Variants in MYLK4 observed in about 807,000 individuals in gnomAD.
MYLK4 encodes the protein myosin light chain kinase family member 4.
MYLK4 carries 46 observed loss-of-function variants against 48.1 expected under a neutral mutation model. The ratio of observed to expected loss-of-function variants is 0.96; its 90% confidence interval spans 0.75 to 1.22. The LOEUF is 1.22. MYLK4 is among the 50% of genes most tolerant of loss of function. The pLI is 0.00. For missense variants in MYLK4, 451 were observed against 486.1 expected (o/e 0.93, Z 0.68); for synonymous variants, 170 against 180.8 (o/e 0.94, Z 0.48).
chr6:2,700,180 C>T (rs1431229181), intron 2 of MYLK4, among the ~76,000 whole-genome samples: 1 of 152,112 alleles, frequency 6.6e-6, no homozygotes, highest in African/African-American at 2.4e-5. Context: ...TTCTTTCCCT[C>T]TCAAACTCGC....
rs143708079 is a variant in MYLK4, at chr6:2,688,895, C to T, written c.297G>A (p.Ala99=). The change falls in exon 4 of 13, where the codon GCG becomes GCA. Residue 99 remains alanine (A), a synonymous_variant. Transcript: ENST00000274643. ...DHRIVTAKQG[A]VNSFYTVSKT... ...TGCTCACAGTATAGAAGCTGTTGACCGCTCCTTGCTTGGCTGTCACAATAC... is the reference window on the plus strand; with the variant it reads ...TGCTCACAGTATAGAAGCTGTTGACTGCTCCTTGCTTGGCTGTCACAATAC... The T allele has an allele frequency of 4.6e-4, 736 of 1,614,146 alleles. 8 individuals carry two copies. In the African/African-American group the frequency reaches 8.6e-3, roughly 19 times the overall value.
Position 2,664,357 on chromosome 6 carries a change from A to G in MYLK4, c.*3568T>C, listed in dbSNP as rs1449112832. ...TGACAGGACGGCCAGGGGACAGGAA[A>G]GAACCGAGTCCGAGGACCACAGCCC... is the stretch of plus-strand genomic sequence containing the variant. On this transcript the variant is annotated 3_prime_UTR_variant, in exon 13 of 13. Coordinates refer to ENST00000274643, the MANE Select transcript of MYLK4 (RefSeq NM_001012418.5). The G allele has an allele frequency of 1.3e-5, 2 of 152,232 alleles. No individual in the cohort carries two copies. Among genetic ancestry groups the G allele is most frequent in the Non-Finnish European group, 2.9e-5 (2 of 68,038 alleles). The allele number at this position is 152,232 out of a possible 1,614,324, so 9.4% of individuals were successfully genotyped here. A position where few individuals can be genotyped will look rare whatever the true frequency, so the allele number is the denominator to read the frequency against.
At chr6:2,690,672 A>C (rs549095748) in intron 3 of MYLK4, among the ~76,000 whole-genome samples, 121 of 152,152 alleles carry the variant, frequency 8.0e-4, no homozygotes, top group African/African-American at 2.8e-3. Flanking sequence ...CCACTGGCCA[A>C]ATCGTGACCC....
intron 2 of MYLK4, among the ~76,000 whole-genome samples, chr6:2,748,039 T>C (rs1417200899): frequency 2.0e-5 from 3 of 152,238 alleles, no homozygotes; most frequent in African/African-American, 7.2e-5. Context: ...ACCTTTTATA[T>C]ACAATCTCTC....
chr6:2,725,447 C>G (rs7750986), intron 2 of MYLK4, among the ~76,000 whole-genome samples: 43,757 of 151,224 alleles, frequency 0.29, 6,503 homozygotes, highest in Admixed American at 0.32. Flanking sequence ...TGCACTCCAG[C>G]CTGGGTGACA....
At chr6:2,697,250 G>A (rs775127561) in intron 2 of MYLK4, among the ~76,000 whole-genome samples, 1 of 152,190 alleles carries the variant, frequency 6.6e-6, no homozygotes, top group Non-Finnish European at 1.5e-5. Context: ...GTGTTTTGGA[G>A]CAGGATCATT....
chr6:2,721,118 A>G (rs4959713), intron 2 of MYLK4, among the ~76,000 whole-genome samples: 129,685 of 152,086 alleles, frequency 0.85, 55,386 homozygotes, highest in Admixed American at 0.89. Context: ...CCAAGATCAC[A>G]CCACCGCACT....
chr6:2,701,641 G>A (rs534076096), intron 2 of MYLK4, among the ~76,000 whole-genome samples: 18 of 152,306 alleles, frequency 1.2e-4, no homozygotes, highest in Admixed American at 3.3e-4. Context: ...TACAAACTGC[G>A]TAGGTAAAAA....
At chr6:2,670,132 G>A (rs902321658) in intron 12 of MYLK4, among the ~76,000 whole-genome samples, 2 of 152,196 alleles carry the variant, frequency 1.3e-5, no homozygotes, top group African/African-American at 4.8e-5. Context: ...TTGGGAGGCT[G>A]AGGCGGGCAG....
At chr6:2,767,956 T>C in the MYLK4 span, among the ~76,000 whole-genome samples, 2 of 152,234 alleles carry the variant, frequency 1.3e-5, no homozygotes, top group African/African-American at 4.8e-5. Context: ...CACCTTTCCA[T>C]TTAGGTGCAG....
chr6:2,676,654 C>T (rs1050782397), intron 10 of MYLK4, among the ~76,000 whole-genome samples: 1 of 152,214 alleles, frequency 6.6e-6, no homozygotes, highest in African/African-American at 2.4e-5. Flanking sequence ...CAGTTGCCAT[C>T]GGCCCAAATG....
intron 2 of MYLK4, among the ~76,000 whole-genome samples, chr6:2,711,178 C>T (rs1762661311): frequency 6.6e-6 from 1 of 152,208 alleles, no homozygotes. Flanking sequence ...CATTAATTAA[C>T]ACGTATCAGT....
intron 10 of MYLK4, among the ~76,000 whole-genome samples, chr6:2,677,496 A>G (rs557911988): frequency 1.2e-4 from 18 of 152,310 alleles, no homozygotes; most frequent in Admixed American, 8.5e-4. Context: ...AAGCCATCTG[A>G]AACAGCGTGT....
intron 6 of MYLK4, among the ~76,000 whole-genome samples, chr6:2,683,391 TTGTGTGTGTGTGTG>T (rs67359849): frequency 0.033 from 4,164 of 126,656 alleles, 246 homozygotes; most frequent in African/African-American, 0.1. Context: ...CCCCACCTTT[TTGTGTGTGTGTGTG>T]TGTGTGTGTG....
At chr6:2,746,096 C>CA (rs368582600) in intron 2 of MYLK4, among the ~76,000 whole-genome samples, 3,330 of 113,396 alleles carry the variant, frequency 0.029, 131 homozygotes, top group African/African-American at 0.093. Context: ...ACTAAAAATA[C>CA]AAAAAAAAAT....
chr6:2,666,344 A>G lies in MYLK4; in HGVS notation c.*1581T>C, dbSNP rs1211186606. The G allele has an allele frequency of 6.6e-6, 1 of 152,214 alleles. No individual in the cohort carries two copies. Among genetic ancestry groups the G allele is most frequent in the Non-Finnish European group, 1.5e-5 (1 of 68,038 alleles). 9.4% of individuals were successfully genotyped at this position (152,214 alleles called of 1,614,324 possible). ...ACAGTAATTGAGACCATTCTGGCCA[A>G]CATGGAGAAACCCCATCTCTACTAA... On this transcript the variant is annotated 3_prime_UTR_variant, in exon 13 of 13. Transcript: ENST00000274643.
chr6:2,698,972 A>G (rs7753496), intron 2 of MYLK4, among the ~76,000 whole-genome samples: 4,377 of 152,332 alleles, frequency 0.029, 196 homozygotes, highest in African/African-American at 0.099. Flanking sequence ...CTCAGAACTC[A>G]GTAAGTGGAT....
intron 10 of MYLK4, among the ~76,000 whole-genome samples, chr6:2,677,620 T>C (rs1056557105): frequency 6.6e-6 from 1 of 152,162 alleles, no homozygotes; most frequent in Non-Finnish European, 1.5e-5. Context: ...GGTTTTAGCA[T>C]AACAGAAAAT....
At position 2,688,953 on chromosome 6, in the gene MYLK4, T is replaced by C. The variant is rs1761671282; in HGVS notation, c.239A>G (p.Asp80Gly). The change falls in exon 4 of 13, where the codon GAC becomes GGC. Residue 80 changes from aspartate to glycine, a missense_variant. Physicochemically the swap from Asp to Gly is moderately conservative, Grantham distance 94. Transcript: ENST00000274643. ...AAATGGGGCCGGAGGAGCCGGGATG[T>C]CAACTAGAAGGTGAGAGAAACAGAA... ...KSKRTSALAVDIPAPPAPFDH... is the reference protein window; with the variant it reads ...KSKRTSALAVGIPAPPAPFDH... 6.2e-7 allele frequency: 1 copy of C among 1,613,940 alleles called. No individual in the cohort carries two copies. Among genetic ancestry groups the C allele is most frequent in the South Asian group, 1.1e-5 (1 of 91,082 alleles).
Sources: allele counts gnomAD v4.1 joint callset (sites outside exome capture counted in the v4.1 genomes callset), GRCh38; gene constraint gnomAD v4.1.1; transcripts MANE v1.5; gene names NCBI Gene and HGNC (gene_info 2026-07-23, HGNC 2026-07-21).